LRRC36: variants seen among roughly 807,000 people sequenced by gnomAD.
The protein encoded by LRRC36 is leucine-rich repeat-containing protein 36.
A neutral mutation model predicts 81.1 loss-of-function variants in LRRC36; 62 were observed. That is an observed-to-expected ratio of 0.76 (90% CI 0.62 to 0.94). LRRC36 has a LOEUF of 0.94. Among genes scored for constraint, LRRC36 ranks in the 40% least tolerant of loss-of-function variants. The probability of loss-of-function intolerance (pLI) is 0.00; values close to 1 mark genes in which losing one functional copy is unlikely to be tolerated. For synonymous variants in LRRC36, 334 were observed against 348.6 expected (o/e 0.96, Z 0.47); for missense variants, 761 against 881.7 (o/e 0.86, Z 1.73).
chr16:67,363,779 G>A, intron 6 of LRRC36, 65 bp downstream of exon 6: 2 of 1,539,906 alleles, frequency 1.3e-6, no homozygotes, highest in Non-Finnish European at 1.8e-6. Context: ...AATTCAGTGG[G>A]CTCTCAATTA....
chr16:67,357,130 G>A (rs944678259), intron 5 of LRRC36, among the ~76,000 whole-genome samples: 1 of 152,116 alleles, frequency 6.6e-6, no homozygotes, highest in Non-Finnish European at 1.5e-5. Flanking sequence ...TGGAGGATAC[G>A]AAAATAAAGC....
chr16:67,375,747 C>T (rs2039866611), intron 10 of LRRC36, among the ~76,000 whole-genome samples: 1 of 151,920 alleles, frequency 6.6e-6, no homozygotes, highest in South Asian at 2.1e-4. Context: ...TGGGAAAGTG[C>T]CAATAATGAA....
At chr16:67,340,353 G>A (rs544865366) in intron 1 of LRRC36, among the ~76,000 whole-genome samples, 3 of 151,842 alleles carry the variant, frequency 2.0e-5, no homozygotes, top group South Asian at 4.1e-4. Flanking sequence ...CCCCTTTTCA[G>A]GACTGTTAAT....
At chr16:67,369,200 G>A (rs1358299201) in intron 8 of LRRC36, among the ~76,000 whole-genome samples, 1 of 152,194 alleles carries the variant, frequency 6.6e-6, no homozygotes, top group Admixed American at 6.5e-5. Context: ...AATATAGATA[G>A]AAAAGAGATC....
chr16:67,357,701 G>A (rs546742555), intron 5 of LRRC36, among the ~76,000 whole-genome samples: 3 of 152,280 alleles, frequency 2.0e-5, no homozygotes, highest in East Asian at 1.9e-4. Flanking sequence ...GACAGACTCC[G>A]AATGAAGAGC....
Position 67,326,817 on chromosome 16 carries a change from G to A in LRRC36, c.-46G>A. On this transcript the variant is annotated 5_prime_UTR_variant, in exon 1 of 14. Coordinates refer to ENST00000329956, the MANE Select transcript of LRRC36 (RefSeq NM_018296.6). Reference sequence around the variant, plus strand: ...CGGGGCAGTGGGCGGGGCCTGGCGTGCGCCGGGTGGTCTCGCGGGCGGTGG... The same window carrying A: ...CGGGGCAGTGGGCGGGGCCTGGCGTACGCCGGGTGGTCTCGCGGGCGGTGG... 7.2e-7 allele frequency: 1 copy of A among 1,394,568 alleles called. No individual in the cohort carries two copies. Among genetic ancestry groups the A allele is most frequent in the East Asian group, 3.1e-5 (1 of 32,636 alleles). The allele number at this position is 1,394,568 out of a possible 1,614,324, so 86.4% of individuals were successfully genotyped here. A position where few individuals can be genotyped will look rare whatever the true frequency, so the allele number is the denominator to read the frequency against.
intron 13 of LRRC36, among the ~76,000 whole-genome samples, chr16:67,384,605 G>A (rs1211685696): frequency 6.6e-6 from 1 of 152,182 alleles, no homozygotes; most frequent in Non-Finnish European, 1.5e-5. Context: ...TCATCAAAGT[G>A]CTTTTGAAAG....
chr16:67,347,462 G>A, intron 3 of LRRC36, 33 bp from the exon 4 acceptor site: 1 of 1,610,782 alleles, frequency 6.2e-7, no homozygotes, highest in Non-Finnish European at 8.5e-7. Flanking sequence ...GCCAAAAAAA[G>A]AAACATGCTC....
At position 67,326,905 on chromosome 16, in the gene LRRC36, C is replaced by T. The variant is rs962721645; in HGVS notation, c.43C>T (p.Leu15=). ...WELDEEGIRR[L]GALTLEQPEL... The stretch of plus-strand genomic sequence containing the variant: ...GCTGGACGAGGAAGGCATTCGCCGC[C>T]TGGGGGCGCTGACGCTGGAGCAGCC... The change falls in exon 1 of 14, where the codon CTG becomes TTG. Residue 15 remains leucine, a synonymous_variant. Transcript: ENST00000329956. 1.5e-5 allele frequency: 22 copies of T among 1,480,776 alleles called. No individual in the cohort carries two copies. Among genetic ancestry groups the T allele is most frequent in the Non-Finnish European group, 1.9e-5 (21 of 1,127,154 alleles). 91.7% of individuals were successfully genotyped at this position (1,480,776 alleles called of 1,614,324 possible). A position where few individuals can be genotyped will look rare whatever the true frequency, so the allele number is the denominator to read the frequency against.
chr16:67,382,702 G>A (rs915342654), intron 13 of LRRC36, among the ~76,000 whole-genome samples: 2 of 152,234 alleles, frequency 1.3e-5, no homozygotes, highest in Non-Finnish European at 2.9e-5. Flanking sequence ...CAGCACCCCC[G>A]GCTGGGTGTG....
At chr16:67,328,817 C>T (rs2037334595) in intron 1 of LRRC36, among the ~76,000 whole-genome samples, 1 of 151,308 alleles carries the variant, frequency 6.6e-6, no homozygotes, top group East Asian at 1.9e-4. Context: ...ACCTATCCTC[C>T]ACCCACCTCC....
At chr16:67,374,725 A>C (rs986125158) in intron 9 of LRRC36, among the ~76,000 whole-genome samples, 2 of 152,124 alleles carry the variant, frequency 1.3e-5, no homozygotes, top group East Asian at 3.9e-4. Flanking sequence ...TTATGATACA[A>C]GATACTGTTA....
intron 1 of LRRC36, among the ~76,000 whole-genome samples, chr16:67,333,671 T>G (rs1357513899): frequency 1.3e-5 from 2 of 152,196 alleles, no homozygotes; most frequent in Non-Finnish European, 2.9e-5. Context: ...CTGTCTGGCT[T>G]CTTTGACTTA....
At chr16:67,377,799 T>G (rs1423680875) in intron 11 of LRRC36, among the ~76,000 whole-genome samples, 1 of 151,842 alleles carries the variant, frequency 6.6e-6, no homozygotes, top group African/African-American at 2.4e-5. Flanking sequence ...CATGCCCAGC[T>G]AATTTTTGTA....
At chr16:67,349,736 G>A (rs889677878) in intron 4 of LRRC36, among the ~76,000 whole-genome samples, 3 of 151,866 alleles carry the variant, frequency 2.0e-5, no homozygotes, top group African/African-American at 7.3e-5. Context: ...TTCTTATAAA[G>A]TATGGCTTTA....
chr16:67,343,002 A>G (rs887304543), intron 2 of LRRC36, among the ~76,000 whole-genome samples: 40 of 152,234 alleles, frequency 2.6e-4, no homozygotes, highest in African/African-American at 9.6e-4. Context: ...TCCAAGTTCA[A>G]CTAGGTCTTT....
intron 7 of LRRC36, among the ~76,000 whole-genome samples, chr16:67,366,156 A>AT (rs910050967): frequency 6.7e-5 from 10 of 148,772 alleles, no homozygotes; most frequent in African/African-American, 2.0e-4. Flanking sequence ...TTTTTTTTTA[A>AT]TTTTTTTTAT....
At position 67,374,089 on chromosome 16, in the gene LRRC36, G is replaced by A. The variant is rs979960700; in HGVS notation, c.1495-1158G>A. 3.3e-5 allele frequency among the ~76,000 whole-genome samples: 5 copies of A among 151,950 alleles called. No homozygotes were observed. In the East Asian group the frequency reaches 9.8e-4, roughly 30 times the overall value. ...TGCACACCTGTAGTTCCAGCTATTCGAGAAGCTGGGATAGGAGGATTGCTT... is the reference window on the plus strand; with the variant it reads ...TGCACACCTGTAGTTCCAGCTATTCAAGAAGCTGGGATAGGAGGATTGCTT... On this transcript the variant is annotated intron_variant, in intron 9 of 13. Coordinates refer to ENST00000329956, the MANE Select transcript of LRRC36 (RefSeq NM_018296.6).
chr16:67,376,155 C>T lies in LRRC36; in HGVS notation c.1661-572C>T, dbSNP rs146622186. Among the ~76,000 whole-genome samples the T allele has an allele frequency of 4.1e-4, 62 of 151,884 alleles. No homozygotes were observed. In the East Asian group the frequency reaches 0.01, roughly 25 times the overall value. Reference sequence around the variant, plus strand: ...AAACCCTGTCCCTACTAAAAATACACAAATTAGCCAGGCGTAGTGGTGTGC... The same window carrying T: ...AAACCCTGTCCCTACTAAAAATACATAAATTAGCCAGGCGTAGTGGTGTGC... On this transcript the variant is annotated intron_variant, in intron 10 of 13. Coordinates refer to ENST00000329956, the MANE Select transcript of LRRC36 (RefSeq NM_018296.6).
Sources: gnomAD v4.1 joint callset for allele counts (sites outside exome capture counted in the v4.1 genomes callset) on GRCh38, gnomAD v4.1.1 for gene constraint, MANE v1.5 for transcripts, NCBI Gene and HGNC (gene_info 2026-07-23, HGNC 2026-07-21) for gene names.